PAWR: variants seen among roughly 807,000 people sequenced by gnomAD.
PAWR encodes PRKC apoptosis WT1 regulator protein.
In PAWR, 23 loss-of-function variants were observed where a neutral mutation model predicts 32.0. That is an observed-to-expected ratio of 0.72 (90% CI 0.52 to 1.02). PAWR has a LOEUF of 1.02. PAWR is among the 50% of genes least tolerant of loss of function. The pLI is 0.00. For synonymous variants in PAWR, 226 were observed against 187.1 expected (o/e 1.21, Z -1.70); for missense variants, 457 against 437.7 (o/e 1.04, Z -0.39).
chr12:79,660,605 A>ATG (rs1401227396), intron 2 of PAWR, among the ~76,000 whole-genome samples: 1 of 139,678 alleles, frequency 7.2e-6, no homozygotes, highest in Non-Finnish European at 1.5e-5. Flanking sequence ...TTTTTTTGAG[A>ATG]TGGAGTCTCG....
chr12:79,674,143 G>A (rs564643954), intron 2 of PAWR, among the ~76,000 whole-genome samples: 2 of 152,168 alleles, frequency 1.3e-5, no homozygotes, highest in African/African-American at 2.4e-5. Flanking sequence ...CACAATACCC[G>A]ACTTCACTAT....
intron 4 of PAWR, among the ~76,000 whole-genome samples, chr12:79,600,239 G>A (rs531487896): frequency 6.6e-6 from 1 of 152,174 alleles, no homozygotes; most frequent in South Asian, 2.1e-4. Context: ...ACTCAAAAAA[G>A]TGTATCTTTG....
chr12:79,595,421 C>A (rs1201261964), intron 5 of PAWR, among the ~76,000 whole-genome samples: 1 of 152,222 alleles, frequency 6.6e-6, no homozygotes. Flanking sequence ...AGCAATCAAC[C>A]ATCCATATCC....
rs1035577423 is a variant in PAWR, at chr12:79,587,649, C to A, written c.*4958G>T. 6.6e-6 allele frequency: 1 copy of A among 151,756 alleles called. No homozygotes were observed. Among genetic ancestry groups the A allele is most frequent in the African/African-American group, 2.4e-5 (1 of 41,348 alleles). 9.4% of individuals were successfully genotyped at this position (151,756 alleles called of 1,614,324 possible). On this transcript the variant is annotated 3_prime_UTR_variant, in exon 7 of 7. Coordinates refer to ENST00000328827, the MANE Select transcript of PAWR (RefSeq NM_002583.4). ...ATCATTGTCCACCTAAAATAATATA[C>A]CAAATAAAGATTTTTAAAGTGCTGC...
At chr12:79,610,704 T>A (rs998633348) in intron 4 of PAWR, among the ~76,000 whole-genome samples, 2 of 149,656 alleles carry the variant, frequency 1.3e-5, no homozygotes, top group Non-Finnish European at 3.0e-5. Flanking sequence ...GTTGGGAGGA[T>A]CACTTGAGTT....
intron 2 of PAWR, among the ~76,000 whole-genome samples, chr12:79,655,357 T>C (rs1009029328): frequency 1.3e-5 from 2 of 152,184 alleles, no homozygotes; most frequent in African/African-American, 4.8e-5. Flanking sequence ...CAGCTCAAAA[T>C]CTAAATATGA....
chr12:79,647,537 T>C (rs1362046766), intron 2 of PAWR, among the ~76,000 whole-genome samples: 1 of 152,094 alleles, frequency 6.6e-6, no homozygotes, highest in African/African-American at 2.4e-5. Flanking sequence ...ATAGACAAGA[T>C]GAAGAAACAA....
At chr12:79,632,121 A>G (rs1875655720) in intron 2 of PAWR, 1 of 134,020 alleles carries the variant, frequency 7.5e-6, no homozygotes, top group Non-Finnish European at 1.5e-5. Context: ...TGACAGAGCA[A>G]GACTCTGTCT....
rs999726601 is a variant in PAWR at position 79,591,437 on chromosome 12, A to G, written c.*1170T>C. 1 of 152,200 alleles carries G rather than the reference A, an allele frequency of 6.6e-6. No homozygotes were observed. Among genetic ancestry groups the G allele is most frequent in the African/African-American group, 2.4e-5 (1 of 41,456 alleles). 9.4% of individuals were successfully genotyped at this position (152,200 alleles called of 1,614,324 possible). A position where few individuals can be genotyped will look rare whatever the true frequency, so the allele number is the denominator to read the frequency against. ...TATTTGAAATTCAATCACAAAGCAA[A>G]AATGTCATAATTTTAATGTATTTTA... On this transcript the variant is annotated 3_prime_UTR_variant, in exon 7 of 7. Transcript: ENST00000328827.
intron 2 of PAWR, among the ~76,000 whole-genome samples, chr12:79,652,539 AAG>A (rs1464321280): frequency 6.6e-6 from 1 of 152,184 alleles, no homozygotes; most frequent in African/African-American, 2.4e-5. Flanking sequence ...TCTTTTTCAA[AAG>A]TTCTTTGGAA....
intron 2 of PAWR, among the ~76,000 whole-genome samples, chr12:79,647,460 T>C (rs1876632217): frequency 2.0e-5 from 3 of 152,140 alleles, no homozygotes; most frequent in African/African-American, 7.2e-5. Context: ...TTTCCCAAGA[T>C]AGGAATCAAC....
intron 2 of PAWR, among the ~76,000 whole-genome samples, chr12:79,673,171 G>C (rs1232654361): frequency 2.6e-5 from 4 of 152,052 alleles, no homozygotes; most frequent in Non-Finnish European, 5.9e-5. Flanking sequence ...CCAGGTTCAC[G>C]CTATTCTCCT....
chr12:79,584,986 C>G lies in PAWR; in HGVS notation c.*7621G>C, dbSNP rs1873348386. 4 of 254,526 alleles carry G rather than the reference C, an allele frequency of 1.6e-5. No individual in the cohort carries two copies. The highest frequency in any genetic ancestry group is 1.2e-4 in the South Asian group (3 of 24,604). 15.8% of individuals were successfully genotyped at this position (254,526 alleles called of 1,614,324 possible). A position where few individuals can be genotyped will look rare whatever the true frequency, so the allele number is the denominator to read the frequency against. On this transcript the variant is annotated 3_prime_UTR_variant, in exon 7 of 7. Coordinates refer to ENST00000328827, the MANE Select transcript of PAWR (RefSeq NM_002583.4). ...AGGCAATAACAGAGATAAAACTTAA[C>G]ACAGACAAACAATGATTTTATTCCA...
At chr12:79,613,438 A>G in intron 4 of PAWR, 137 bp downstream of exon 4, 1 of 439,620 alleles carries the variant, frequency 2.3e-6, no homozygotes, top group South Asian at 6.6e-5. Flanking sequence ...CCTGCTTACA[A>G]TATAATTTAT....
At chr12:79,651,670 G>C in intron 2 of PAWR, among the ~76,000 whole-genome samples, 1 of 126,346 alleles carries the variant, frequency 7.9e-6, no homozygotes, top group Non-Finnish European at 1.6e-5. Context: ...GAGCCTAGGA[G>C]TTCAAAGCCA....
chr12:79,690,596 G>A (rs1029217885), intron 1 of PAWR: 12 of 195,708 alleles, frequency 6.1e-5, no homozygotes, highest in African/African-American at 1.9e-4. Flanking sequence ...CTAGAAGGGA[G>A]GAGAGAGGAC....
chr12:79,607,826 G>C (rs1874253883), intron 4 of PAWR, among the ~76,000 whole-genome samples: 1 of 151,450 alleles, frequency 6.6e-6, no homozygotes, highest in Admixed American at 6.6e-5. Flanking sequence ...TGTCTACTTG[G>C]TGGTTCTCAA....
chr12:79,601,207 A>AT (rs534042888), intron 4 of PAWR, among the ~76,000 whole-genome samples: 2,540 of 118,492 alleles, frequency 0.021, 62 homozygotes, highest in Non-Finnish European at 0.03. Context: ...GGAAACCTGA[A>AT]TTTTTTTTTT....
At chr12:79,673,282 G>C (rs1042518978) in intron 2 of PAWR, among the ~76,000 whole-genome samples, 2 of 151,974 alleles carry the variant, frequency 1.3e-5, no homozygotes, top group Admixed American at 1.3e-4. Flanking sequence ...TGTTAGCCAG[G>C]ATGGTCTTGA....
Sources: allele counts gnomAD v4.1 joint callset (sites outside exome capture counted in the v4.1 genomes callset), GRCh38; gene constraint gnomAD v4.1.1; transcripts MANE v1.5; gene names NCBI Gene and HGNC (gene_info 2026-07-23, HGNC 2026-07-21).